B3GLCT: variants seen among roughly 807,000 people sequenced by gnomAD.
B3GLCT encodes beta 3-glucosyltransferase.
A neutral mutation model predicts 63.4 loss-of-function variants in B3GLCT; 65 were observed. The observed-to-expected ratio is 1.03, with a 90% CI of 0.84 to 1.26. The LOEUF (loss-of-function observed/expected upper bound fraction) is 1.26. Among genes scored for constraint, B3GLCT ranks in the 50% most tolerant of loss-of-function variants. The pLI is 0.00. For synonymous variants in B3GLCT, 233 were observed against 219.2 expected, an observed-to-expected ratio of 1.06 and a Z score of -0.55; for missense variants, 577 against 604.8, an observed-to-expected ratio of 0.95 and a Z score of 0.48.
At chr13:31,213,890 T>G (rs929747171) in intron 1 of B3GLCT, among the ~76,000 whole-genome samples, 2 of 152,140 alleles carry the variant, frequency 1.3e-5, no homozygotes, top group Non-Finnish European at 2.9e-5. Flanking sequence ...ACATTTCAGT[T>G]TCACCCTGCC....
rs1001037352 is a variant in B3GLCT at position 31,329,449 on chromosome 13, G to A, written c.1330-52G>A. On this transcript the variant is annotated intron_variant, in intron 14 of 14. Transcript: ENST00000343307. ...TTATAAATTCAAATGCTCTTCTGCA[G>A]CAAAATTATATTCAATCAACAAGGA... 9.3e-6 allele frequency: 15 copies of A among 1,606,474 alleles called. No individual in the cohort carries two copies. The Admixed American group carries it at 2.2e-4, about 23-fold the overall frequency.
intron 3 of B3GLCT, among the ~76,000 whole-genome samples, chr13:31,228,697 T>C (rs915192184): frequency 6.6e-6 from 1 of 152,220 alleles, no homozygotes; most frequent in African/African-American, 2.4e-5. Flanking sequence ...ATTACCTCTG[T>C]GAAGACCCAA....
intron 4 of B3GLCT, among the ~76,000 whole-genome samples, chr13:31,243,491 TTTCA>T (rs1358836754): frequency 4.6e-5 from 7 of 152,222 alleles, no homozygotes; most frequent in Non-Finnish European, 7.3e-5. Flanking sequence ...ATGTTAGCTT[TTTCA>T]TTCATACTAT....
chr13:31,271,394 TG>T (rs1337015697), intron 8 of B3GLCT, among the ~76,000 whole-genome samples: 1 of 152,276 alleles, frequency 6.6e-6, no homozygotes, highest in Non-Finnish European at 1.5e-5. Flanking sequence ...GATTGGCTAC[TG>T]GTTTTTTGCT....
intron 12 of B3GLCT, among the ~76,000 whole-genome samples, chr13:31,314,252 T>C: frequency 6.6e-6 from 1 of 152,172 alleles, no homozygotes; most frequent in East Asian, 1.9e-4. Flanking sequence ...AGAGGGCCAC[T>C]GTCCTCCAGA....
intron 4 of B3GLCT, among the ~76,000 whole-genome samples, chr13:31,229,772 T>C (rs986158529): frequency 5.3e-5 from 8 of 150,086 alleles, no homozygotes; most frequent in African/African-American, 1.9e-4. Flanking sequence ...GAAAAAAACG[T>C]TTTGGTTAAT....
intron 12 of B3GLCT, among the ~76,000 whole-genome samples, chr13:31,310,338 G>A (rs1465240986): frequency 6.6e-6 from 1 of 152,194 alleles, no homozygotes; most frequent in Non-Finnish European, 1.5e-5. Context: ...TCACTCTCCA[G>A]TGTCTGTGTA....
chr13:31,274,488 C>T (rs1318761592), intron 8 of B3GLCT, 21 bp from the exon 9 acceptor site: 1 of 1,614,160 alleles, frequency 6.2e-7, no homozygotes, highest in Admixed American at 1.7e-5. Flanking sequence ...TCATCACTGC[C>T]TGTCTCCTGT....
At chr13:31,232,066 C>T (rs999166090) in intron 4 of B3GLCT, among the ~76,000 whole-genome samples, 1 of 152,182 alleles carries the variant, frequency 6.6e-6, no homozygotes. Context: ...CAGAAGGAAC[C>T]TCCATTGCTT....
chr13:31,201,735 G>C (rs950131890), intron 1 of B3GLCT, among the ~76,000 whole-genome samples: 3 of 152,094 alleles, frequency 2.0e-5, no homozygotes, highest in Admixed American at 1.3e-4. Context: ...CATTTGTATT[G>C]CTGTGTCTAT....
At chr13:31,271,224 G>A (rs574358554) in intron 8 of B3GLCT, among the ~76,000 whole-genome samples, 1 of 152,336 alleles carries the variant, frequency 6.6e-6, no homozygotes, top group South Asian at 2.1e-4. Context: ...ATCTGCCTAG[G>A]CATTTGGCTG....
At chr13:31,224,709 GC>G (rs1438620353) in intron 3 of B3GLCT, among the ~76,000 whole-genome samples, 2 of 152,090 alleles carry the variant, frequency 1.3e-5, no homozygotes, top group Non-Finnish European at 2.9e-5. Context: ...AATTGGAGTG[GC>G]CCGCTTTGTG....
intron 13 of B3GLCT, among the ~76,000 whole-genome samples, chr13:31,320,653 GA>G (rs1875287755): frequency 1.3e-5 from 2 of 152,204 alleles, no homozygotes; most frequent in South Asian, 4.2e-4. Flanking sequence ...TTGCCTTTAG[GA>G]TCAAGTCTGC....
chr13:31,240,479 T>TC (rs1566057432), intron 4 of B3GLCT, among the ~76,000 whole-genome samples: 1 of 27,210 alleles, frequency 3.7e-5, no homozygotes, highest in Non-Finnish European at 1.1e-4. Flanking sequence ...TTTTTTTTTC[T>TC]TTTTTTTTTT....
chr13:31,291,282 C>A (rs953320322), intron 12 of B3GLCT, among the ~76,000 whole-genome samples: 3 of 151,894 alleles, frequency 2.0e-5, no homozygotes, highest in Non-Finnish European at 4.4e-5. Flanking sequence ...AGCCTGATGC[C>A]TCCAGCTTTG....
chr13:31,324,821 T>C (rs1470020852), intron 14 of B3GLCT, among the ~76,000 whole-genome samples: 2 of 152,170 alleles, frequency 1.3e-5, no homozygotes, highest in Non-Finnish European at 2.9e-5. Flanking sequence ...CCTCTTGCCT[T>C]AGTCTCCCAA....
At chr13:31,222,887 C>T in intron 2 of B3GLCT, 65 bp from the exon 3 acceptor site, 4 of 1,072,594 alleles carry the variant, frequency 3.7e-6, no homozygotes, top group Admixed American at 3.4e-5. Context: ...TGCATGTTTA[C>T]TCAGTGTACT....
intron 1 of B3GLCT, among the ~76,000 whole-genome samples, chr13:31,207,571 A>G (rs1246712958): frequency 2.0e-5 from 3 of 151,504 alleles, no homozygotes; most frequent in African/African-American, 2.4e-5. Context: ...TTTTTTCACT[A>G]TCTACTGTGC....
chr13:31,249,720 G>GT (rs1257896735), intron 6 of B3GLCT, among the ~76,000 whole-genome samples: 1 of 151,894 alleles, frequency 6.6e-6, no homozygotes, highest in East Asian at 1.9e-4. Context: ...TCTGCCATGT[G>GT]TAAAAAAAAA....
Sources: allele counts gnomAD v4.1 joint callset (sites outside exome capture counted in the v4.1 genomes callset), GRCh38; gene constraint gnomAD v4.1.1; transcripts MANE v1.5; gene names NCBI Gene and HGNC (gene_info 2026-07-23, HGNC 2026-07-21).